Variants in MDN1 observed in about 807,000 individuals in gnomAD.
MDN1 encodes the protein midasin.
Under a neutral mutation model 669.2 loss-of-function variants are expected in MDN1, and 266 were observed. The observed-to-expected ratio is 0.40, with a 90% confidence interval of 0.36 to 0.44. MDN1 has a LOEUF of 0.44. Ranked by LOEUF, MDN1 falls within the 20% of genes least tolerant of loss-of-function variation. The pLI is 1.00. For missense variants in MDN1, 5,940 were observed against 6,754.0 expected (o/e 0.88, Z 4.22); for synonymous variants, 2,385 against 2,457.1 (o/e 0.97, Z 0.87).
chr6:89,673,202 G>A, intron 80 of MDN1, 34 bp downstream of exon 80: 1 of 1,526,604 alleles, frequency 6.6e-7, no homozygotes, highest in Non-Finnish European at 9.1e-7. Flanking sequence ...TTCTACACTG[G>A]ACTTTCATTC....
intron 92 of MDN1, among the ~76,000 whole-genome samples, chr6:89,654,944 G>A (rs1809151806): frequency 6.6e-6 from 1 of 152,168 alleles, no homozygotes; most frequent in African/African-American, 2.4e-5. Context: ...GTGATCTTGC[G>A]TGAGTGAGTT....
chr6:89,816,873 A>G (rs1768876821), intron 1 of MDN1, among the ~76,000 whole-genome samples: 1 of 151,714 alleles, frequency 6.6e-6, no homozygotes, highest in African/African-American at 2.4e-5. Flanking sequence ...ACAGGGTTTC[A>G]CCATGTTAGC....
chr6:89,819,542 C>T lies in MDN1; in HGVS notation c.66G>A (p.Lys22=), dbSNP rs149989287. 8 of 1,605,256 alleles carry T rather than the reference C, an allele frequency of 5.0e-6. No homozygotes were observed. The highest frequency in any genetic ancestry group is 6.8e-6 in the Non-Finnish European group (8 of 1,179,992). The change falls in exon 1 of 102, where the codon AAG becomes AAA. Residue 22 remains lysine, a synonymous_variant. Transcript: ENST00000369393. ...PLRLIAAKNE[K]SRSELGRFLA... ...AGAACCTGCCCAACTCACTGCGGCT[C>T]TTCTCGTTCTTGGCTGCGATTAACC...
intron 73 of MDN1, 85 bp from the exon 74 acceptor site, chr6:89,680,836 CA>C: frequency 1.1e-5 from 16 of 1,410,650 alleles, no homozygotes; most frequent in Non-Finnish European, 1.5e-5. Context: ...CTGTTGCACA[CA>C]AAAACACATC....
intron 99 of MDN1, among the ~76,000 whole-genome samples, chr6:89,647,308 A>G (rs952522123): frequency 6.6e-6 from 1 of 152,188 alleles, no homozygotes; most frequent in African/African-American, 2.4e-5. Flanking sequence ...GAAAAAGCAA[A>G]CTGAATCAGA....
At chr6:89,801,457 C>G (rs1366504514) in intron 2 of MDN1, among the ~76,000 whole-genome samples, 1 of 152,122 alleles carries the variant, frequency 6.6e-6, no homozygotes, top group East Asian at 1.9e-4. Context: ...TCAAGATCAG[C>G]CTGGCCAACA....
At position 89,676,195 on chromosome 6, in the gene MDN1, T is replaced by C. The variant is rs1215276324; in HGVS notation, c.12552A>G (p.Glu4184=). ...GGCATCCATCCCATGAAGACGAGAT[T>C]TCTGTAAGCAGCCTGGAAAAGATAT... ...TQEADSRLLT[E]ISSSWDGCQK... is the part of the protein sequence containing the mutation. Residue 4184 remains glutamate (E), a synonymous_variant, in exon 77 of 102, where the codon GAA becomes GAG. Transcript: ENST00000369393. 1 of 1,614,176 alleles carries C rather than the reference T, an allele frequency of 6.2e-7. No individual in the cohort carries two copies. Among genetic ancestry groups the C allele is most frequent in the Non-Finnish European group, 8.5e-7 (1 of 1,179,994 alleles).
intron 63 of MDN1, among the ~76,000 whole-genome samples, chr6:89,691,549 TG>T: frequency 6.6e-6 from 1 of 152,214 alleles, no homozygotes; most frequent in Non-Finnish European, 1.5e-5. Flanking sequence ...TGTTTTTTTT[TG>T]TTTTTTTGGC....
At chr6:89,670,141 T>TAC (rs1810562284) in intron 83 of MDN1, among the ~76,000 whole-genome samples, 2 of 42,216 alleles carry the variant, frequency 4.7e-5, no homozygotes, top group African/African-American at 3.4e-4. Context: ...CAAAAAAACA[T>TAC]ATATATATAT....
chr6:89,670,170 A>ATATATATATATATATTTTT (rs1444537561), intron 83 of MDN1, among the ~76,000 whole-genome samples: 1 of 23,412 alleles, frequency 4.3e-5, no homozygotes, highest in African/African-American at 2.6e-4. Context: ...ATATATATAT[A>ATATATATATATATATTTTT]TTTTTTTTTT....
intron 1 of MDN1, among the ~76,000 whole-genome samples, chr6:89,807,625 T>G (rs1768103571): frequency 6.6e-6 from 1 of 152,208 alleles, no homozygotes; most frequent in African/African-American, 2.4e-5. Flanking sequence ...TTTCACCAAC[T>G]TTAGAAATTT....
At chr6:89,685,688 T>C (rs554633969) in intron 70 of MDN1, 139 bp downstream of exon 70, 3 of 913,992 alleles carry the variant, frequency 3.3e-6, no homozygotes, top group Admixed American at 2.8e-5. Context: ...CTATATCTAA[T>C]GTGAATCGCA....
At chr6:89,722,789 C>T (rs1814927785) in intron 40 of MDN1, among the ~76,000 whole-genome samples, 166 bp downstream of exon 40, 1 of 145,128 alleles carries the variant, frequency 6.9e-6, no homozygotes. Flanking sequence ...GAAGCTGCAG[C>T]AAGCCAAGAT....
intron 95 of MDN1, 132 bp from the exon 96 acceptor site, chr6:89,650,979 C>A: frequency 1.6e-6 from 1 of 626,342 alleles, no homozygotes. Context: ...CACTTTAAAT[C>A]TTCTCCCAGC....
At chr6:89,656,156 A>G (rs1355592638) in intron 91 of MDN1, among the ~76,000 whole-genome samples, 188 bp from the exon 92 acceptor site, 1 of 152,212 alleles carries the variant, frequency 6.6e-6, no homozygotes, top group East Asian at 1.9e-4. Context: ...TCTATGATAT[A>G]CTTTTATATC....
intron 59 of MDN1, among the ~76,000 whole-genome samples, chr6:89,697,239 T>G (rs1368452640): frequency 6.6e-6 from 1 of 152,226 alleles, no homozygotes; most frequent in African/African-American, 2.4e-5. Context: ...CTTTTGGATC[T>G]GTTTGTATAA....
chr6:89,645,747 C>A (rs947191247), intron 100 of MDN1, among the ~76,000 whole-genome samples: 3 of 152,070 alleles, frequency 2.0e-5, no homozygotes, highest in Non-Finnish European at 2.9e-5. Flanking sequence ...ATAGTGTTTC[C>A]AGCTAAAGAT....
chr6:89,696,543 G>A lies in MDN1; in HGVS notation c.9200C>T (p.Ser3067Phe), dbSNP rs758692401. The A allele has an allele frequency of 6.2e-7, 1 of 1,614,164 alleles. No homozygotes were observed. Among genetic ancestry groups the A allele is most frequent in the South Asian group, 1.1e-5 (1 of 91,078 alleles). The change falls in exon 60 of 102, where the codon TCT (serine) becomes TTT (phenylalanine). Residue 3067 changes from serine to phenylalanine, a missense_variant. Transcript: ENST00000369393. ...GPGNLNRPIFSKCCFEVLTSS... is the reference protein window; with the variant it reads ...GPGNLNRPIFFKCCFEVLTSS... ...GGTTAAGACTTCAAAGCAGCACTTA[G>A]AGAATATGGGTCTATTGAGATTGCC... is the stretch of plus-strand genomic sequence containing the variant.
intron 8 of MDN1, among the ~76,000 whole-genome samples, chr6:89,786,514 G>A (rs1012746227): frequency 6.6e-6 from 1 of 152,126 alleles, no homozygotes; most frequent in Non-Finnish European, 1.5e-5. Context: ...GGCTGAGGCA[G>A]GAGGATCACT....
Sources: gnomAD v4.1 joint callset for allele counts (sites outside exome capture counted in the v4.1 genomes callset) on GRCh38, gnomAD v4.1.1 for gene constraint, MANE v1.5 for transcripts, NCBI Gene and HGNC (gene_info 2026-07-23, HGNC 2026-07-21) for gene names.